The following AHDC1 variants were observed in gnomAD, a reference collection of about 807,000 sequenced individuals.
AHDC1 encodes AT-hook DNA binding motif containing 1, also known as transcription factor Gibbin.
A neutral mutation model predicts 87.9 loss-of-function variants in AHDC1; 7 were observed. The observed-to-expected ratio is 0.08, with a 90% confidence interval of 0.05 to 0.15. The LOEUF (loss-of-function observed/expected upper bound fraction) is 0.15, where lower values mean the gene tolerates loss of function less well. AHDC1 is among the 10% of genes least tolerant of loss of function. AHDC1 has a pLI of 1.00. For synonymous variants in AHDC1, 1,051 were observed against 1,006.8 expected (o/e 1.04, Z -0.83); for missense variants, 1,841 against 2,253.2 (o/e 0.82, Z 3.70).
At chr1:27,585,650 C>T (rs906472741) in intron 3 of AHDC1, among the ~76,000 whole-genome samples, 1 of 152,144 alleles carries the variant, frequency 6.6e-6, no homozygotes, top group African/African-American at 2.4e-5. Flanking sequence ...AGACTGCACA[C>T]CTTCGAGAAG....
At chr1:27,553,463 G>A (rs1164219643) in intron 5 of AHDC1, 1 of 152,112 alleles carries the variant, frequency 6.6e-6, no homozygotes, top group Admixed American at 6.5e-5. Flanking sequence ...ATTACTAGTG[G>A]GATAAGAGCT....
Position 27,551,233 on chromosome 1 carries a change from G to C in AHDC1, c.883C>G (p.Leu295Val). ...AGAGGTTGCAGGGGTGGCAGCTCCA[G>C]AGCTTCCCCGAGCGGCTCTAGTGCC... The part of the protein sequence containing the change: ...PQALEPLGEA[L>V]ELPPLQPLAD... Residue 295 changes from leucine (L) to valine (V), a missense_variant, in exon 8 of 9, where the codon CTG (leucine) becomes GTG (valine). Physicochemically the swap from Leu to Val is conservative, Grantham distance 32 (BLOSUM62 1). Transcript: ENST00000673934. 1 of 1,609,380 alleles carries C rather than the reference G, an allele frequency of 6.2e-7. No individual in the cohort carries two copies. The highest frequency in any genetic ancestry group is 8.5e-7 in the Non-Finnish European group (1 of 1,179,654).
chr1:27,591,001 A>C (rs1049823218), intron 3 of AHDC1, among the ~76,000 whole-genome samples: 1 of 152,046 alleles, frequency 6.6e-6, no homozygotes, highest in Non-Finnish European at 1.5e-5. Context: ...TTTTCCCTTA[A>C]ATTCCCCTCC....
chr1:27,567,402 T>C (rs2020369651), intron 3 of AHDC1, among the ~76,000 whole-genome samples: 1 of 152,126 alleles, frequency 6.6e-6, no homozygotes, highest in Non-Finnish European at 1.5e-5. Context: ...GGAGGGGGGC[T>C]GAGGTCTGCA....
At chr1:27,571,057 CCTGA>C (rs996908686) in intron 3 of AHDC1, among the ~76,000 whole-genome samples, 13 of 152,158 alleles carry the variant, frequency 8.5e-5, no homozygotes, top group African/African-American at 3.1e-4. Context: ...CCCTTTGCAG[CCTGA>C]CTTTCAGGAA....
intron 3 of AHDC1, among the ~76,000 whole-genome samples, chr1:27,566,928 A>T (rs554319308): frequency 6.6e-6 from 1 of 152,104 alleles, no homozygotes; most frequent in Admixed American, 6.5e-5. Context: ...TAGGGGGCTG[A>T]GGCAGAAAGG....
chr1:27,596,246 C>T (rs1004057168), intron 3 of AHDC1, among the ~76,000 whole-genome samples: 10 of 152,168 alleles, frequency 6.6e-5, no homozygotes, highest in South Asian at 4.1e-4. Flanking sequence ...GCTGCCTCCT[C>T]GCTCCCTGGG....
intron 8 of AHDC1, among the ~76,000 whole-genome samples, chr1:27,543,442 T>G (rs2019018930): frequency 6.6e-6 from 1 of 152,244 alleles, no homozygotes; most frequent in Non-Finnish European, 1.5e-5. Flanking sequence ...TCAGTCAGGC[T>G]CCACATTCCC....
At chr1:27,557,887 G>A (rs895923797) in intron 5 of AHDC1, among the ~76,000 whole-genome samples, 8 of 152,254 alleles carry the variant, frequency 5.3e-5, no homozygotes, top group African/African-American at 7.2e-5. Context: ...CCATGTGCAC[G>A]GAAGGACAGA....
Position 27,548,769 on chromosome 1 carries a change from C to G in AHDC1, c.3347G>C (p.Gly1116Ala). The G allele has an allele frequency of 1.2e-6, 2 of 1,613,138 alleles. No individual in the cohort carries two copies. Among genetic ancestry groups the G allele is most frequent in the South Asian group, 1.1e-5 (1 of 91,084 alleles). Residue 1116 changes from glycine (G) to alanine (A), a missense_variant, in exon 8 of 9, where the codon GGC becomes GCC. Gly to Ala is a moderately conservative substitution (Grantham distance 60, BLOSUM62 0). Transcript: ENST00000673934. Reference sequence around the variant, plus strand: ...AAAGGCCTCTGAGGCCCAGTCCAGGCCTCCATAGCCCTGCCGGAAAGGCCA... The same window carrying G: ...AAAGGCCTCTGAGGCCCAGTCCAGGGCTCCATAGCCCTGCCGGAAAGGCCA... ...SQWPFRQGYG[G>A]LDWASEAFSQ... is the part of the protein sequence containing the mutation.
intron 3 of AHDC1, among the ~76,000 whole-genome samples, chr1:27,575,182 G>T (rs1571304051): frequency 6.6e-6 from 1 of 152,132 alleles, no homozygotes; most frequent in Non-Finnish European, 1.5e-5. Flanking sequence ...TCCCGCCGCC[G>T]CCGCCGCCTC....
At chr1:27,583,022 C>T (rs757132503) in intron 3 of AHDC1, among the ~76,000 whole-genome samples, 3 of 152,156 alleles carry the variant, frequency 2.0e-5, no homozygotes, top group African/African-American at 4.8e-5. Flanking sequence ...AAGTGACTGA[C>T]GAGTAGCTGG....
intron 6 of AHDC1, 42 bp downstream of exon 6, chr1:27,553,032 C>A (rs11800620): frequency 0.012 from 1,849 of 152,922 alleles, 39 homozygotes; most frequent in African/African-American, 0.041. Flanking sequence ...GTACCACCCC[C>A]GGCTCCCTCA....
In AHDC1 at chr1:27,548,311, G is replaced by A. The variant is rs2019304315; in HGVS notation, c.3805C>T (p.Arg1269Trp). ...GYPSKRSTGP[R>W]QPRGGRGGGA... ...CCGCCCCGTCCACCTCGCGGCTGCC[G>A]GGGCCCAGTGCTCCGTTTGGATGGG... Residue 1269 changes from arginine to tryptophan, a missense_variant, in exon 8 of 9, where the codon CGG becomes TGG. Transcript: ENST00000673934. The A allele has an allele frequency of 3.7e-6, 6 of 1,605,790 alleles. No individual in the cohort carries two copies. The highest frequency in any genetic ancestry group is 4.3e-6 in the Non-Finnish European group (5 of 1,175,008).
chr1:27,537,447 C>T (rs1211428387), intron 8 of AHDC1, among the ~76,000 whole-genome samples: 2 of 152,198 alleles, frequency 1.3e-5, no homozygotes, highest in Non-Finnish European at 1.5e-5. Flanking sequence ...GCTCTTCAAC[C>T]ACTGCTGAAC....
chr1:27,585,755 C>CA (rs1309891578), intron 3 of AHDC1, among the ~76,000 whole-genome samples: 2 of 152,272 alleles, frequency 1.3e-5, no homozygotes, highest in Non-Finnish European at 2.9e-5. Flanking sequence ...CTAATCCCCC[C>CA]ACCCTAGTCC....
In AHDC1 at chr1:27,565,947, C is replaced by T. The variant is rs1196424064; in HGVS notation, c.-628-7064G>A. ...TCTGTAGGCTCTTCAACCTTGCACCCTCCATTTCAGGTTCAACCACATAAG... is the reference window on the plus strand; with the variant it reads ...TCTGTAGGCTCTTCAACCTTGCACCTTCCATTTCAGGTTCAACCACATAAG... On this transcript the variant is annotated intron_variant, in intron 3 of 8. Transcript: ENST00000673934. The surrounding 1 kb of genome is among the most constrained non-coding windows in gnomAD (Gnocchi z 4.6). Among the ~76,000 whole-genome samples, 1 of 152,184 alleles carries T rather than the reference C, an allele frequency of 6.6e-6. No individual in the cohort carries two copies. Among genetic ancestry groups the T allele is most frequent in the Admixed American group, 6.5e-5 (1 of 15,280 alleles).
In AHDC1 at chr1:27,553,199, T is replaced by C. The variant is rs1168125548; in HGVS notation, c.-224-14A>G. 1 of 152,590 alleles carries C rather than the reference T, an allele frequency of 6.6e-6. No individual in the cohort carries two copies. The highest frequency in any genetic ancestry group is 1.5e-5 in the Non-Finnish European group (1 of 68,032). 9.5% of individuals were successfully genotyped at this position (152,590 alleles called of 1,614,324 possible). A position where few individuals can be genotyped will look rare whatever the true frequency, so the allele number is the denominator to read the frequency against. On this transcript the variant is annotated splice_polypyrimidine_tract_variant and intron_variant, in intron 5 of 8. Transcript: ENST00000673934. Reference sequence around the variant, plus strand: ...CGTGGACAGCGCCTGGAAAGGACCATCGCAGCTCAGGTTTAGTGAGCACCT... The same window carrying C: ...CGTGGACAGCGCCTGGAAAGGACCACCGCAGCTCAGGTTTAGTGAGCACCT...
rs530900479 is a variant in AHDC1, at chr1:27,577,779, G to C, written c.-628-18896C>G. Among the ~76,000 whole-genome samples, 142 of 152,280 alleles carry C rather than the reference G, an allele frequency of 9.3e-4. 1 individual carries two copies. The highest frequency in any genetic ancestry group is 3.2e-3 in the African/African-American group (134 of 41,556). On this transcript the variant is annotated intron_variant, in intron 3 of 8. Transcript: ENST00000673934. ...GCTGCCACCCTGCTCCCCTCCCCCTGACCTGCCAGGCCAGACAAGACTGAG... is the reference window on the plus strand; with the variant it reads ...GCTGCCACCCTGCTCCCCTCCCCCTCACCTGCCAGGCCAGACAAGACTGAG...
Sources: allele counts gnomAD v4.1 joint callset (sites outside exome capture counted in the v4.1 genomes callset), GRCh38; gene constraint gnomAD v4.1.1; non-coding constraint Gnocchi (gnomAD v3.1); transcripts MANE v1.5; gene names NCBI Gene and HGNC (gene_info 2026-07-23, HGNC 2026-07-21).